PCNX2: variants seen among roughly 807,000 people sequenced by gnomAD.
PCNX2 encodes the protein pecanex 2, also known as pecanex-like protein 2.
A neutral mutation model predicts 223.8 loss-of-function variants in PCNX2; 168 were observed. The ratio of observed to expected loss-of-function variants is 0.75; its 90% CI spans 0.66 to 0.85. The LOEUF (loss-of-function observed/expected upper bound fraction) is 0.85. Ranked by LOEUF, PCNX2 falls within the 40% of genes least tolerant of loss-of-function variation. PCNX2 has a pLI of 0.00. For missense variants in PCNX2, 2,507 were observed against 2,675.5 expected, an observed-to-expected ratio of 0.94 and a Z score of 1.39; for synonymous variants, 1,006 against 1,052.6, an observed-to-expected ratio of 0.96 and a Z score of 0.86.
rs369886650 is a variant in PCNX2, at chr1:233,235,957, A to AAATAT, written c.2358+887_2358+888insATATT. On this transcript the variant is annotated intron_variant, in intron 9 of 33. Coordinates refer to ENST00000258229, the MANE Select transcript of PCNX2 (RefSeq NM_014801.4). ...ATGTGGCAAAGCAATCATAAAAAAA[A>AAATAT]ATATATATATATATATATATATATA... Among the ~76,000 whole-genome samples the AAATAT allele has an allele frequency of 4.7e-3, 442 of 93,060 alleles. 8 individuals carry two copies. The highest frequency in any genetic ancestry group is 0.01 in the South Asian group (29 of 2,884). The allele number at this position is 93,060 out of a possible 152,430, so 61.1% of individuals were successfully genotyped here. A position where few individuals can be genotyped will look rare whatever the true frequency, so the allele number is the denominator to read the frequency against.
chr1:233,127,624 C>T (rs1222691101), intron 21 of PCNX2, among the ~76,000 whole-genome samples: 1 of 152,140 alleles, frequency 6.6e-6, no homozygotes, highest in Non-Finnish European at 1.5e-5. Flanking sequence ...CACAGCCAGA[C>T]TGCCTGGCTT....
At chr1:233,318,382 T>A in the PCNX2 span, among the ~76,000 whole-genome samples, 1 of 152,104 alleles carries the variant, frequency 6.6e-6, no homozygotes, top group African/African-American at 2.4e-5. Context: ...AGACCATTTT[T>A]AAGGTCTTTC....
At chr1:233,103,284 C>G (rs1674594099) in intron 21 of PCNX2, among the ~76,000 whole-genome samples, 2 of 151,944 alleles carry the variant, frequency 1.3e-5, no homozygotes. Flanking sequence ...ATAAATAATC[C>G]AGTTATATTC....
chr1:233,169,111 TAGAA>T (rs1678980053), intron 17 of PCNX2, among the ~76,000 whole-genome samples: 1 of 152,158 alleles, frequency 6.6e-6, no homozygotes, highest in Non-Finnish European at 1.5e-5. Flanking sequence ...TTGTTGGTAT[TAGAA>T]AGATATTTAA....
Position 233,191,548 on chromosome 1 carries a change from A to T in PCNX2, c.3066+7391T>A, listed in dbSNP as rs114826994. The stretch of plus-strand genomic sequence containing the variant: ...CAAAAAGAGAAAAGCCTGAAACCAC[A>T]CTGGGAACCAGAGCAAGTTACTCGT... On this transcript the variant is annotated intron_variant, in intron 15 of 33. Transcript: ENST00000258229. Among the ~76,000 whole-genome samples the T allele has an allele frequency of 4.1e-3, 620 of 152,302 alleles. 2 individuals carry two copies. The highest frequency in any genetic ancestry group is 0.014 in the African/African-American group (592 of 41,564).
In PCNX2 at chr1:233,139,482, C is replaced by T. The variant is rs1159229977; in HGVS notation, c.3659+232G>A. Reference sequence around the variant, plus strand: ...GCAGGATGATTTTCAAATCTACTGACATTTATTCACAATATCATTTCAAGC... The same window carrying T: ...GCAGGATGATTTTCAAATCTACTGATATTTATTCACAATATCATTTCAAGC... On this transcript the variant is annotated intron_variant, in intron 20 of 33. Coordinates refer to ENST00000258229, the MANE Select transcript of PCNX2 (RefSeq NM_014801.4). The surrounding 1 kb of genome is among the most constrained non-coding windows in gnomAD (Gnocchi z 4.4). Among the ~76,000 whole-genome samples, 1 of 152,170 alleles carries T rather than the reference C, an allele frequency of 6.6e-6. No homozygotes were observed. Among genetic ancestry groups the T allele is most frequent in the African/African-American group, 2.4e-5 (1 of 41,440 alleles).
chr1:233,224,281 A>G (rs932349227), intron 10 of PCNX2, among the ~76,000 whole-genome samples: 1 of 152,240 alleles, frequency 6.6e-6, no homozygotes, highest in African/African-American at 2.4e-5. Flanking sequence ...AGAGAATATA[A>G]GTAAGGAGAA....
At chr1:233,020,185 C>T (rs984409336) in intron 26 of PCNX2, among the ~76,000 whole-genome samples, 1 of 152,222 alleles carries the variant, frequency 6.6e-6, no homozygotes, top group African/African-American at 2.4e-5. Context: ...TCTGGCAAAA[C>T]GCTGCAGTGC....
At chr1:233,214,551 G>A (rs141083682) in intron 12 of PCNX2, among the ~76,000 whole-genome samples, 73 of 152,310 alleles carry the variant, frequency 4.8e-4, no homozygotes, top group African/African-American at 1.7e-3. Context: ...TTGCTCAGGC[G>A]ATTCCGGGCA....
At chr1:233,298,746 G>A (rs571741328), upstream of PCNX2, among the ~76,000 whole-genome samples, 18 of 152,010 alleles carry the variant, frequency 1.2e-4, no homozygotes, top group Non-Finnish European at 2.5e-4. Flanking sequence ...AAAATGAGCC[G>A]GGTGTGGTGG....
chr1:233,259,929 A>G (rs1303224597), intron 4 of PCNX2: 1 of 571,268 alleles, frequency 1.8e-6, no homozygotes, highest in Non-Finnish European at 2.2e-6. Flanking sequence ...TAGCATTTAC[A>G]TTGTATTAGG....
intron 25 of PCNX2, among the ~76,000 whole-genome samples, chr1:233,039,466 TAAG>T (rs1163812926): frequency 6.6e-6 from 1 of 152,198 alleles, no homozygotes; most frequent in African/African-American, 2.4e-5. Context: ...TTTGATAATA[TAAG>T]TAAAGAAACT....
intron 21 of PCNX2, among the ~76,000 whole-genome samples, chr1:233,127,222 G>A (rs1676155429): frequency 6.6e-6 from 1 of 152,070 alleles, no homozygotes; most frequent in Non-Finnish European, 1.5e-5. Flanking sequence ...AGCACGGCAC[G>A]CTGGGTCCTT....
intron 21 of PCNX2, among the ~76,000 whole-genome samples, chr1:233,129,788 C>A (rs914231181): frequency 6.6e-6 from 1 of 152,210 alleles, no homozygotes; most frequent in African/African-American, 2.4e-5. Context: ...GACCAATCAG[C>A]TCTCCATAAA....
rs1161782316 is a variant in PCNX2 at position 233,200,204 on chromosome 1, A to G, written c.2924T>C (p.Phe975Ser). The stretch of plus-strand genomic sequence containing the variant: ...AATTTGCTCCAAAAGATAAGTGCAG[A>G]AAGTGTTGATTTGCGGGAAGAGCCC... ...LLGLFPQINT[F>S]CTYLLEQIDM... The change falls in exon 14 of 34, where the codon TTC becomes TCC. Residue 975 changes from phenylalanine to serine, a missense_variant. By Grantham distance (155) the Phe-to-Ser change is radical (BLOSUM62 -2). Transcript: ENST00000258229. 3 of 1,596,396 alleles carry G rather than the reference A, an allele frequency of 1.9e-6. No homozygotes were observed. The highest frequency in any genetic ancestry group is 1.7e-6 in the Non-Finnish European group (2 of 1,171,108).
chr1:233,113,047 C>T, intron 21 of PCNX2: 1 of 1,261,174 alleles, frequency 7.9e-7, no homozygotes, highest in South Asian at 1.2e-5. Flanking sequence ...AGGCACTTTC[C>T]TGCAATTACA....
At chr1:233,313,776 T>G in the PCNX2 span, among the ~76,000 whole-genome samples, 1 of 152,098 alleles carries the variant, frequency 6.6e-6, no homozygotes, top group East Asian at 1.9e-4. Context: ...GGTAATTAAA[T>G]GACCCAAACA....
chr1:233,300,863 A>G, the PCNX2 span, among the ~76,000 whole-genome samples: 1 of 152,080 alleles, frequency 6.6e-6, no homozygotes, highest in South Asian at 2.1e-4. Flanking sequence ...GTGATCTTGC[A>G]CCATGTAGCT....
chr1:233,069,189 C>T (rs563997241), intron 23 of PCNX2, among the ~76,000 whole-genome samples: 5 of 152,162 alleles, frequency 3.3e-5, no homozygotes, highest in African/African-American at 1.2e-4. Context: ...ATAAGTCAAA[C>T]AACTCAACTG....
Sources: allele counts gnomAD v4.1 joint callset (sites outside exome capture counted in the v4.1 genomes callset), GRCh38; gene constraint gnomAD v4.1.1; non-coding constraint Gnocchi (gnomAD v3.1); transcripts MANE v1.5; gene names NCBI Gene and HGNC (gene_info 2026-07-23, HGNC 2026-07-21).